NRG1: variants seen among roughly 807,000 people sequenced by gnomAD.
The protein encoded by NRG1 is neuregulin 1, also known as pro-neuregulin-1, membrane-bound isoform.
NRG1 carries 18 observed loss-of-function variants against 63.8 expected under a neutral mutation model. The observed-to-expected ratio is 0.28, with a 90% CI of 0.19 to 0.42. The LOEUF (loss-of-function observed/expected upper bound fraction) is 0.42. NRG1 is among the 10% of genes least tolerant of loss of function. NRG1 has a pLI of 1.00. For synonymous variants in NRG1, 302 were observed against 301.3 expected, an observed-to-expected ratio of 1.00 and a Z score of -0.02; for missense variants, 762 against 814.7, an observed-to-expected ratio of 0.94 and a Z score of 0.79.
intron 1 of NRG1, among the ~76,000 whole-genome samples, chr8:32,402,411 T>TA (rs1178359347): frequency 6.6e-6 from 1 of 152,040 alleles, no homozygotes; most frequent in Non-Finnish European, 1.5e-5. Context: ...CTAAAAATAT[T>TA]AAATGGAAAA....
intron 1 of NRG1, among the ~76,000 whole-genome samples, chr8:31,784,584 CAAT>C (rs1179430502): frequency 6.6e-6 from 1 of 152,090 alleles, no homozygotes; most frequent in Non-Finnish European, 1.5e-5. Flanking sequence ...AATCAGAAAA[CAAT>C]AACGTAACAA....
chr8:32,335,807 C>T (rs905237411), intron 1 of NRG1, among the ~76,000 whole-genome samples: 9 of 152,102 alleles, frequency 5.9e-5, no homozygotes, highest in South Asian at 2.1e-4. Flanking sequence ...CAACATAGGC[C>T]GTCTCCTCGC....
chr8:32,752,531 CT>C (rs1828945455), intron 7 of NRG1, among the ~76,000 whole-genome samples: 1 of 152,210 alleles, frequency 6.6e-6, no homozygotes, highest in Non-Finnish European at 1.5e-5. Context: ...AGGAGTTATG[CT>C]GTATGGAATG....
intron 1 of NRG1, among the ~76,000 whole-genome samples, chr8:32,379,904 A>C (rs562294593): frequency 6.6e-6 from 1 of 152,266 alleles, no homozygotes; most frequent in East Asian, 1.9e-4. Flanking sequence ...CTCTCTTCTG[A>C]ATCATCCCTA....
intron 1 of NRG1, among the ~76,000 whole-genome samples, chr8:31,922,109 G>C (rs980999153): frequency 6.6e-6 from 1 of 152,158 alleles, no homozygotes; most frequent in Admixed American, 6.6e-5. Context: ...ATGACTTCTT[G>C]ACAAGCTTTA....
At chr8:32,225,534 T>C (rs913037174) in intron 1 of NRG1, among the ~76,000 whole-genome samples, 3 of 152,092 alleles carry the variant, frequency 2.0e-5, no homozygotes, top group East Asian at 1.9e-4. Context: ...GGCTTAGGAA[T>C]GGAGAAGCAA....
intron 1 of NRG1, among the ~76,000 whole-genome samples, chr8:32,321,851 ATT>A (rs34220668): frequency 1.3e-4 from 20 of 149,974 alleles, no homozygotes; most frequent in South Asian, 2.1e-4. Flanking sequence ...TGTTTCTTTG[ATT>A]TTTTTTTTTC....
intron 1 of NRG1, among the ~76,000 whole-genome samples, chr8:32,174,168 T>C (rs956985323): frequency 6.6e-6 from 1 of 151,572 alleles, no homozygotes; most frequent in Admixed American, 6.6e-5. Flanking sequence ...ATCAAACTAG[T>C]ACTCAGGATT....
At chr8:32,672,508 G>A (rs1382999244) in intron 5 of NRG1, among the ~76,000 whole-genome samples, 1 of 152,104 alleles carries the variant, frequency 6.6e-6, no homozygotes, top group African/African-American at 2.4e-5. Context: ...CCACATTTAT[G>A]TTACTATTTA....
At chr8:31,903,438 C>T (rs188924597) in intron 1 of NRG1, among the ~76,000 whole-genome samples, 79 of 151,732 alleles carry the variant, frequency 5.2e-4, no homozygotes, top group African/African-American at 1.6e-3. Context: ...CGTGAGCCAC[C>T]GCGCCCGGCC....
rs531041439 is a variant in NRG1 at position 32,504,614 on chromosome 8, A to C, written c.38-91214A>C. On this transcript the variant is annotated intron_variant, in intron 1 of 10. Coordinates refer to the NRG1 transcript ENST00000519301. ...ATTTATTTTAAAATTTAATTTATTT[A>C]AAGACAGAAACAGATAGAGATTATT... Among the ~76,000 whole-genome samples, 6 of 152,284 alleles carry C rather than the reference A, an allele frequency of 3.9e-5. No homozygotes were observed. The South Asian group carries it at 1.2e-3, about 32-fold the overall frequency.
rs7013571 is a variant in NRG1, at chr8:32,367,377, G to T, written c.38-228451G>T. The stretch of plus-strand genomic sequence containing the variant: ...GGGTATCTCACTGTGGTTTCAATTT[G>T]CATTTCCCTGATGATTCGTGGTGTT... On this transcript the variant is annotated intron_variant, in intron 1 of 10. Coordinates refer to the NRG1 transcript ENST00000519301. Among the ~76,000 whole-genome samples, 323 of 148,494 alleles carry T rather than the reference G, an allele frequency of 2.2e-3. 2 individuals carry two copies. Among genetic ancestry groups the T allele is most frequent in the African/African-American group, 7.8e-3 (317 of 40,628 alleles).
At chr8:32,400,606 C>T (rs370400437) in intron 1 of NRG1, among the ~76,000 whole-genome samples, 46 of 152,206 alleles carry the variant, frequency 3.0e-4, no homozygotes, top group East Asian at 2.3e-3. Context: ...TACCATTTCA[C>T]GCCAGTCAGA....
At chr8:32,202,740 G>A (rs1227926464) in intron 1 of NRG1, among the ~76,000 whole-genome samples, 1 of 151,472 alleles carries the variant, frequency 6.6e-6, no homozygotes, top group Non-Finnish European at 1.5e-5. Flanking sequence ...TCTGTCCACA[G>A]CTAAACTCCT....
intron 1 of NRG1, among the ~76,000 whole-genome samples, chr8:32,367,188 CTTTTAGT>C (rs1039390224): frequency 6.6e-6 from 1 of 152,098 alleles, no homozygotes; most frequent in African/African-American, 2.4e-5. Flanking sequence ...GATAGTTCTA[CTTTTAGT>C]TTTTTGAGAA....
At chr8:32,619,826 G>A (rs552003152) in intron 5 of NRG1, among the ~76,000 whole-genome samples, 17 of 152,114 alleles carry the variant, frequency 1.1e-4, no homozygotes, top group African/African-American at 3.9e-4. Context: ...TAATCCTAGT[G>A]TGTTTTTTAA....
At chr8:32,624,074 C>T (rs1409253797) in intron 5 of NRG1, among the ~76,000 whole-genome samples, 1 of 152,160 alleles carries the variant, frequency 6.6e-6, no homozygotes, top group Non-Finnish European at 1.5e-5. Context: ...TTATACAACT[C>T]AGTGGCTTAG....
At chr8:32,338,243 C>T (rs1020262045) in intron 1 of NRG1, among the ~76,000 whole-genome samples, 4 of 152,114 alleles carry the variant, frequency 2.6e-5, no homozygotes, top group African/African-American at 9.7e-5. Flanking sequence ...ACGTCTTTGC[C>T]TTGGACTAAG....
At chr8:32,233,853 T>C (rs1378019924) in intron 1 of NRG1, among the ~76,000 whole-genome samples, 3 of 151,950 alleles carry the variant, frequency 2.0e-5, no homozygotes, top group African/African-American at 4.8e-5. Flanking sequence ...GTGTGAGCCA[T>C]TGCATCCAGC....
Sources: gnomAD v4.1 joint callset for allele counts (sites outside exome capture counted in the v4.1 genomes callset) on GRCh38, gnomAD v4.1.1 for gene constraint, MANE v1.5 for transcripts, NCBI Gene and HGNC (gene_info 2026-07-23, HGNC 2026-07-21) for gene names.